The following ZNF277 variants were observed in gnomAD, a reference collection of about 807,000 sequenced individuals.
ZNF277 encodes the protein nuclear receptor-interacting factor 4.
Under a neutral mutation model 60.7 loss-of-function variants are expected in ZNF277, and 55 were observed. That is an observed-to-expected ratio of 0.91 (90% CI 0.73 to 1.13). The LOEUF (loss-of-function observed/expected upper bound fraction) is 1.13, where lower values mean the gene tolerates loss of function less well. Among genes scored for constraint, ZNF277 ranks in the 50% most tolerant of loss-of-function variants. The pLI, the probability that ZNF277 is intolerant of heterozygous loss-of-function variation, is 0.00. For missense variants in ZNF277, 510 were observed against 523.0 expected (o/e 0.98, Z 0.24); for synonymous variants, 178 against 179.3 (o/e 0.99, Z 0.06).
In ZNF277 at chr7:112,341,008, T is replaced by C; in HGVS notation, c.1146T>C (p.Thr382=). The C allele has an allele frequency of 1.2e-6, 2 of 1,603,212 alleles. No homozygotes were observed. Among genetic ancestry groups the C allele is most frequent in the South Asian group, 1.1e-5 (1 of 87,220 alleles). Residue 382 remains threonine, a synonymous_variant, in exon 11 of 12, where the codon ACT becomes ACC. Coordinates refer to ENST00000361822, the MANE Select transcript of ZNF277 (RefSeq NM_021994.3). ...CTCACATGGAAGAAACTAAACACACTTCGCTGCTCCCCGATAGAAAGACGT... is the reference window on the plus strand; with the variant it reads ...CTCACATGGAAGAAACTAAACACACCTCGCTGCTCCCCGATAGAAAGACGT... ...LRTHMEETKH[T]SLLPDRKTWD...
At chr7:112,233,362 A>T (rs1822391140) in intron 1 of ZNF277, among the ~76,000 whole-genome samples, 1 of 152,196 alleles carries the variant, frequency 6.6e-6, no homozygotes, top group African/African-American at 2.4e-5. Flanking sequence ...TTGCAGGGCC[A>T]GTGCTACATT....
At chr7:112,288,689 C>A (rs1007135603) in intron 2 of ZNF277, 6 of 158,388 alleles carry the variant, frequency 3.8e-5, no homozygotes, top group African/African-American at 1.2e-4. Context: ...TTCGGCTGAT[C>A]TGGCTGGCTA....
At chr7:112,322,073 A>G (rs1410964123) in intron 5 of ZNF277, among the ~76,000 whole-genome samples, 1 of 152,114 alleles carries the variant, frequency 6.6e-6, no homozygotes, top group East Asian at 1.9e-4. Flanking sequence ...CATCAATCAG[A>G]TTCTTCCCCT....
At chr7:112,323,715 G>C (rs1363268094) in intron 5 of ZNF277, among the ~76,000 whole-genome samples, 2 of 152,210 alleles carry the variant, frequency 1.3e-5, no homozygotes, top group Non-Finnish European at 2.9e-5. Flanking sequence ...TGCTTAAAAA[G>C]TTGATTTCGA....
At chr7:112,252,152 CATT>C (rs1791212931) in intron 1 of ZNF277, among the ~76,000 whole-genome samples, 1 of 152,144 alleles carries the variant, frequency 6.6e-6, no homozygotes, top group African/African-American at 2.4e-5. Context: ...AGCAAAGCCC[CATT>C]ATTTATGTTT....
intron 1 of ZNF277, among the ~76,000 whole-genome samples, chr7:112,208,290 C>A (rs1821626727): frequency 6.6e-6 from 1 of 151,982 alleles, no homozygotes; most frequent in African/African-American, 2.4e-5. Flanking sequence ...CAGGAGAATC[C>A]CTTGAGCCCG....
chr7:112,306,520 T>C (rs1479259407), intron 4 of ZNF277, among the ~76,000 whole-genome samples: 1 of 152,070 alleles, frequency 6.6e-6, no homozygotes, highest in Non-Finnish European at 1.5e-5. Context: ...CAGCTGATGT[T>C]CATGTTTTTA....
chr7:112,265,356 A>G (rs1791526612), intron 1 of ZNF277, among the ~76,000 whole-genome samples: 1 of 152,190 alleles, frequency 6.6e-6, no homozygotes, highest in African/African-American at 2.4e-5. Context: ...AAAGGGGAGA[A>G]TGGCAGGTCA....
intron 5 of ZNF277, among the ~76,000 whole-genome samples, chr7:112,318,749 T>C (rs1792906976): frequency 6.6e-6 from 1 of 152,026 alleles, no homozygotes; most frequent in Non-Finnish European, 1.5e-5. Flanking sequence ...CATAAGGTTT[T>C]ACATATTTAA....
chr7:112,220,626 G>C (rs559527769), intron 1 of ZNF277, among the ~76,000 whole-genome samples: 23 of 152,296 alleles, frequency 1.5e-4, no homozygotes, highest in African/African-American at 5.1e-4. Context: ...TTTCACTGCT[G>C]AGTATGTTAG....
chr7:112,267,111 C>G (rs538357155), intron 1 of ZNF277, among the ~76,000 whole-genome samples: 1 of 152,110 alleles, frequency 6.6e-6, no homozygotes, highest in Non-Finnish European at 1.5e-5. Context: ...TGGTTTAGAA[C>G]GCAGCAGAAA....
At chr7:112,298,698 A>T (rs1236802473) in intron 4 of ZNF277, among the ~76,000 whole-genome samples, 4 of 152,234 alleles carry the variant, frequency 2.6e-5, no homozygotes, top group African/African-American at 4.8e-5. Flanking sequence ...ACAATGACTG[A>T]TGACCATCCA....
intron 1 of ZNF277, among the ~76,000 whole-genome samples, chr7:112,273,999 C>T (rs1235441662): frequency 2.0e-5 from 3 of 150,626 alleles, no homozygotes; most frequent in Admixed American, 1.3e-4. Flanking sequence ...ATTTTCAAAT[C>T]GAGTCTTGCT....
intron 1 of ZNF277, among the ~76,000 whole-genome samples, chr7:112,253,659 T>C (rs1436209808): frequency 6.6e-6 from 1 of 152,158 alleles, no homozygotes; most frequent in African/African-American, 2.4e-5. Flanking sequence ...TCATGCCTTA[T>C]TGTACATAAT....
chr7:112,292,236 G>A (rs78984502), intron 2 of ZNF277, among the ~76,000 whole-genome samples: 1,659 of 152,210 alleles, frequency 0.011, 17 homozygotes, highest in Middle Eastern at 0.068. Context: ...GAAGTTTTTG[G>A]AAACTGAGAC....
intron 11 of ZNF277, among the ~76,000 whole-genome samples, chr7:112,341,950 G>A (rs955023654): frequency 6.6e-6 from 1 of 152,118 alleles, no homozygotes; most frequent in Non-Finnish European, 1.5e-5. Context: ...ACTTCAAAAT[G>A]TATTCAGAGA....
chr7:112,254,639 A>G (rs191412070), intron 1 of ZNF277, among the ~76,000 whole-genome samples: 11 of 152,324 alleles, frequency 7.2e-5, no homozygotes, highest in African/African-American at 2.4e-4. Flanking sequence ...AGTGTTTCCT[A>G]ATCCTTATTT....
intron 1 of ZNF277, among the ~76,000 whole-genome samples, chr7:112,259,163 A>C (rs574370971): frequency 6.6e-6 from 1 of 152,294 alleles, no homozygotes; most frequent in East Asian, 1.9e-4. Flanking sequence ...GATATTTAAC[A>C]TGCCAGCAGA....
At chr7:112,249,423 G>A (rs1175483218) in intron 1 of ZNF277, among the ~76,000 whole-genome samples, 1 of 152,136 alleles carries the variant, frequency 6.6e-6, no homozygotes, top group East Asian at 1.9e-4. Flanking sequence ...TCCCTTTCAT[G>A]CCTCGGGGAT....
Sources: gnomAD v4.1 joint callset for allele counts (sites outside exome capture counted in the v4.1 genomes callset) on GRCh38, gnomAD v4.1.1 for gene constraint, MANE v1.5 for transcripts, NCBI Gene and HGNC (gene_info 2026-07-23, HGNC 2026-07-21) for gene names.